LMNB2: variants seen among roughly 807,000 people sequenced by gnomAD.
LMNB2 encodes the protein lamin B2, also known as lamin-B2.
Under a neutral mutation model 69.3 loss-of-function variants are expected in LMNB2, and 17 were observed. The ratio of observed to expected loss-of-function variants is 0.25; its 90% CI spans 0.17 to 0.37. The LOEUF (loss-of-function observed/expected upper bound fraction) is 0.37. Ranked by LOEUF, LMNB2 falls within the 10% of genes least tolerant of loss-of-function variation. LMNB2 has a pLI of 1.00. For missense variants in LMNB2, 789 were observed against 883.6 expected (o/e 0.89, Z 1.36); for synonymous variants, 397 against 389.3 (o/e 1.02, Z -0.23).
At chr19:2,437,317 C>T (rs541913930) in intron 4 of LMNB2, among the ~76,000 whole-genome samples, 193 of 152,304 alleles carry the variant, frequency 1.3e-3, no homozygotes, top group African/African-American at 4.5e-3. Context: ...GTGGGGAGAG[C>T]GGGCCTCACC....
chr19:2,444,836 G>A (rs1001743535), intron 1 of LMNB2, among the ~76,000 whole-genome samples: 1 of 152,192 alleles, frequency 6.6e-6, no homozygotes, highest in Non-Finnish European at 1.5e-5. Context: ...GTCTCTCCAC[G>A]AGCTCCAGCT....
intron 1 of LMNB2, among the ~76,000 whole-genome samples, chr19:2,449,813 C>T (rs992033659): frequency 2.0e-5 from 3 of 150,416 alleles, no homozygotes; most frequent in Non-Finnish European, 4.4e-5. Context: ...CCGTGGCTCA[C>T]GCCTGTCATC....
chr19:2,452,956 G>C (rs1484849312), intron 1 of LMNB2, among the ~76,000 whole-genome samples: 2 of 131,700 alleles, frequency 1.5e-5, no homozygotes, highest in Non-Finnish European at 3.2e-5. Context: ...ATGGGGGCTG[G>C]GTCATCCTAA....
At chr19:2,452,684 C>T (rs1972037681) in intron 1 of LMNB2, among the ~76,000 whole-genome samples, 1 of 152,124 alleles carries the variant, frequency 6.6e-6, no homozygotes, top group Admixed American at 6.6e-5. Flanking sequence ...CGAGATCACA[C>T]CACTGCACTC....
In LMNB2 at chr19:2,447,974, G is replaced by A. The variant is rs912517066; in HGVS notation, c.265-3434C>T. Among the ~76,000 whole-genome samples the A allele has an allele frequency of 6.6e-6, 1 of 152,178 alleles. No homozygotes were observed. Among genetic ancestry groups the A allele is most frequent in the East Asian group, 1.9e-4 (1 of 5,194 alleles). On this transcript the variant is annotated intron_variant, in intron 1 of 11. Transcript: ENST00000325327. This position sits in a 1 kb window ranked among gnomAD's most constrained non-coding sequence, Gnocchi z 4.4. ...TTATGTATGGGAAAACTGAGGCACG[G>A]GTCAGTAAAAAGCCGCCTCCTGACC...
intron 9 of LMNB2, 33 bp from the exon 10 acceptor site, chr19:2,431,935 T>A: frequency 6.3e-7 from 1 of 1,595,724 alleles, no homozygotes; most frequent in South Asian, 1.1e-5. Flanking sequence ...CCCATCAGGG[T>A]CACCTCTGGT....
chr19:2,435,746 C>T (rs578007655), intron 4 of LMNB2, among the ~76,000 whole-genome samples: 1 of 151,966 alleles, frequency 6.6e-6, no homozygotes, highest in East Asian at 1.9e-4. Context: ...ATCGCTTGAC[C>T]TTGGGAGGTT....
At chr19:2,440,818 G>A (rs916103667) in intron 2 of LMNB2, among the ~76,000 whole-genome samples, 6 of 149,804 alleles carry the variant, frequency 4.0e-5, no homozygotes, top group South Asian at 2.1e-4. Context: ...TCCATCATCC[G>A]TCCACCCATC....
chr19:2,442,221 T>C (rs1356562854), intron 2 of LMNB2, among the ~76,000 whole-genome samples: 1 of 152,124 alleles, frequency 6.6e-6, no homozygotes, highest in African/African-American at 2.4e-5. Flanking sequence ...TTTGGGAGGC[T>C]GAGGTGGGAG....
In LMNB2 at chr19:2,456,654, A is replaced by T; in HGVS notation, c.264+16T>A. 6.7e-7 allele frequency: 1 copy of T among 1,496,732 alleles called. No individual in the cohort carries two copies. 92.7% of individuals were successfully genotyped at this position (1,496,732 alleles called of 1,614,324 possible). A position where few individuals can be genotyped will look rare whatever the true frequency, so the allele number is the denominator to read the frequency against. On this transcript the variant is annotated intron_variant, in intron 1 of 11. Transcript: ENST00000325327. ...CCGGCTGCACCCCCGCCCGGCCCCT[A>T]AGCCCCGGCGCCCACCTCGCGCGTG...
rs1971730176 is a variant in LMNB2 at position 2,430,808 on chromosome 19, G to A, written c.*103C>T. On this transcript the variant is annotated 3_prime_UTR_variant, in exon 12 of 12. Coordinates refer to ENST00000325327, the MANE Select transcript of LMNB2 (RefSeq NM_032737.4). ...CCCACACGTTCTGGCAGTTCGCTTA[G>A]AAATTCTCTAGAAATGTATCAAGAA... is the stretch of plus-strand genomic sequence containing the variant. 2.2e-6 allele frequency: 2 copies of A among 892,244 alleles called. No individual in the cohort carries two copies. The highest frequency in any genetic ancestry group is 4.8e-5 in the East Asian group (2 of 41,424). 55.3% of individuals were successfully genotyped at this position (892,244 alleles called of 1,614,324 possible).
In LMNB2 at chr19:2,431,675, A is replaced by ATGT; in HGVS notation, c.1711-18_1711-17insACA. Reference sequence around the variant, plus strand: ...GGCCACTTCCTGTGCGGGACAGGACACGGCGGCATGTCCCGGGATCGGGCC... The same window carrying ATGT: ...GGCCACTTCCTGTGCGGGACAGGACATGTCGGCGGCATGTCCCGGGATCGGGCC... On this transcript the variant is annotated splice_polypyrimidine_tract_variant and intron_variant, in intron 10 of 11. Transcript: ENST00000325327. The ATGT allele has an allele frequency of 6.2e-7, 1 of 1,614,020 alleles. No individual in the cohort carries two copies. Among genetic ancestry groups the ATGT allele is most frequent in the Non-Finnish European group, 8.5e-7 (1 of 1,179,976 alleles).
intron 6 of LMNB2, 89 bp downstream of exon 6, chr19:2,434,699 A>G: frequency 6.5e-7 from 1 of 1,527,734 alleles, no homozygotes; most frequent in Non-Finnish European, 8.8e-7. Flanking sequence ...TCCGATGCCA[A>G]GAGGCCAGAG....
intron 11 of LMNB2, 30 bp downstream of exon 11, chr19:2,431,518 C>T (rs770061360): frequency 5.6e-6 from 9 of 1,613,854 alleles, no homozygotes; most frequent in South Asian, 1.1e-5. Context: ...GAGGCTGCCC[C>T]CCAGCCGCAA....
chr19:2,440,469 C>G (rs776637507), intron 2 of LMNB2, among the ~76,000 whole-genome samples: 32 of 152,220 alleles, frequency 2.1e-4, no homozygotes, highest in Non-Finnish European at 4.3e-4. Context: ...GGATTACAGG[C>G]ATGAGCCACC....
rs1971807450 is a variant in LMNB2 at position 2,435,160 on chromosome 19, C to T, written c.696G>A (p.Glu232=). 1.9e-6 allele frequency: 3 copies of T among 1,602,368 alleles called. No homozygotes were observed. The highest frequency in any genetic ancestry group is 1.7e-6 in the Non-Finnish European group (2 of 1,179,548). ...GGCGCCGCTCGTGCCGCCGCCGCGTCTCCCGCACCTCCTGCGGACCAAGGC... is the reference window on the plus strand; with the variant it reads ...GGCGCCGCTCGTGCCGCCGCCGCGTTTCCCGCACCTCCTGCGGACCAAGGC... ...RKSVFEEEVR[E]TRRRHERRLV... is the part of the protein sequence containing the mutation. The change falls in exon 5 of 12, where the codon GAG becomes GAA. Residue 232 remains glutamate (E), a synonymous_variant. Coordinates refer to ENST00000325327, the MANE Select transcript of LMNB2 (RefSeq NM_032737.4).
Position 2,430,652 on chromosome 19 carries a change from T to C in LMNB2, c.*259A>G, listed in dbSNP as rs895806059. 19 of 567,260 alleles carry C rather than the reference T, an allele frequency of 3.3e-5. 1 individual carries two copies. The highest frequency in any genetic ancestry group is 2.9e-4 in the South Asian group (15 of 52,246). The allele number at this position is 567,260 out of a possible 1,614,324, so 35.1% of individuals were successfully genotyped here. A position where few individuals can be genotyped will look rare whatever the true frequency, so the allele number is the denominator to read the frequency against. On this transcript the variant is annotated 3_prime_UTR_variant, in exon 12 of 12. Coordinates refer to ENST00000325327, the MANE Select transcript of LMNB2 (RefSeq NM_032737.4). ...CTTCTAAACCTCCGGGTCCTGGCCC[T>C]GGGCTTCCAATTTGACCAAATGGTG...
intron 1 of LMNB2, among the ~76,000 whole-genome samples, chr19:2,450,590 C>T (rs948570396): frequency 6.6e-6 from 1 of 151,834 alleles, no homozygotes; most frequent in African/African-American, 2.4e-5. Flanking sequence ...CCAGTCTGGT[C>T]AACATGGTGA....
chr19:2,438,293 G>A lies in LMNB2; in HGVS notation c.559-5C>T, dbSNP rs748713561. 15 of 1,613,826 alleles carry A rather than the reference G, an allele frequency of 9.3e-6. 1 individual carries two copies. The South Asian group carries it at 1.6e-4, about 18-fold the overall frequency. ...CACTGCATGACCGTCCTCGGCCTGG[G>A]AGACACAGGACAGCGAGCTGGTGTG... On this transcript the variant is annotated splice_region_variant and splice_polypyrimidine_tract_variant and intron_variant, in intron 3 of 11. Coordinates refer to ENST00000325327, the MANE Select transcript of LMNB2 (RefSeq NM_032737.4).
Sources: allele counts gnomAD v4.1 joint callset (sites outside exome capture counted in the v4.1 genomes callset), GRCh38; gene constraint gnomAD v4.1.1; non-coding constraint Gnocchi (gnomAD v3.1); transcripts MANE v1.5; gene names NCBI Gene and HGNC (gene_info 2026-07-23, HGNC 2026-07-21).